The following DYNC1I1 variants were observed in gnomAD, a reference collection of about 807,000 sequenced individuals.
DYNC1I1 encodes the protein dynein cytoplasmic 1 intermediate chain 1.
In DYNC1I1, 43 loss-of-function variants were observed where a neutral mutation model predicts 86.6. The ratio of observed to expected loss-of-function variants is 0.50; its 90% confidence interval spans 0.39 to 0.64. DYNC1I1 has a LOEUF of 0.64. Among genes scored for constraint, DYNC1I1 ranks in the 30% least tolerant of loss-of-function variants. DYNC1I1 has a pLI of 0.00. For missense variants in DYNC1I1, 604 were observed against 788.8 expected, an observed-to-expected ratio of 0.77 and a Z score of 2.81; for synonymous variants, 262 against 283.7, an observed-to-expected ratio of 0.92 and a Z score of 0.77.
intron 5 of DYNC1I1, among the ~76,000 whole-genome samples, chr7:95,831,279 A>G (rs1788893567): frequency 6.6e-6 from 1 of 152,138 alleles, no homozygotes; most frequent in South Asian, 2.1e-4. Context: ...TTGTTAACAT[A>G]ATGTTGATTT....
intron 1 of DYNC1I1, among the ~76,000 whole-genome samples, chr7:95,793,185 G>A (rs994692996): frequency 2.6e-5 from 4 of 152,170 alleles, no homozygotes; most frequent in African/African-American, 9.7e-5. Flanking sequence ...CAATGATGAA[G>A]ACTGGCCTCA....
rs185888178 is a variant in DYNC1I1 at position 96,021,992 on chromosome 7, A to G, written c.970-6183A>G. Among the ~76,000 whole-genome samples, 3 of 152,260 alleles carry G rather than the reference A, an allele frequency of 2.0e-5. No homozygotes were observed. In the East Asian group the frequency reaches 5.8e-4, roughly 29 times the overall value. ...TAGTGCACAAGTTTTTTGTGTAGACATATTTTTTCAATTATCTTGGGTATA... is the reference window on the plus strand; with the variant it reads ...TAGTGCACAAGTTTTTTGTGTAGACGTATTTTTTCAATTATCTTGGGTATA... On this transcript the variant is annotated intron_variant, in intron 10 of 16. Coordinates refer to ENST00000447467, the MANE Select transcript of DYNC1I1 (RefSeq NM_001135556.2).
chr7:95,852,687 A>C (rs1789611534), intron 5 of DYNC1I1, among the ~76,000 whole-genome samples: 1 of 152,016 alleles, frequency 6.6e-6, no homozygotes, highest in South Asian at 2.1e-4. Context: ...TTGTGTTATT[A>C]GTAGAGATGG....
chr7:96,089,640 C>T (rs371400161), intron 16 of DYNC1I1, among the ~76,000 whole-genome samples: 19 of 152,186 alleles, frequency 1.2e-4, no homozygotes, highest in East Asian at 5.8e-4. Flanking sequence ...AAAGCATAAC[C>T]GTTGATTCAA....
intron 6 of DYNC1I1, among the ~76,000 whole-genome samples, chr7:95,934,760 A>T: frequency 6.6e-6 from 1 of 152,066 alleles, no homozygotes; most frequent in Non-Finnish European, 1.5e-5. Context: ...CTTGAATTTT[A>T]AAATTGCTAT....
chr7:95,824,854 C>T (rs758086988), intron 4 of DYNC1I1, among the ~76,000 whole-genome samples: 2 of 152,178 alleles, frequency 1.3e-5, no homozygotes, highest in Non-Finnish European at 2.9e-5. Context: ...AGAAGGAATT[C>T]GGCGAATGTT....
At chr7:96,074,282 G>A (rs1790257075) in intron 14 of DYNC1I1, among the ~76,000 whole-genome samples, 1 of 152,126 alleles carries the variant, frequency 6.6e-6, no homozygotes, top group Non-Finnish European at 1.5e-5. Flanking sequence ...GGGCGCGGTG[G>A]CTCACGCCTG....
chr7:96,049,685 T>C (rs1414583477), intron 14 of DYNC1I1, among the ~76,000 whole-genome samples: 1 of 152,072 alleles, frequency 6.6e-6, no homozygotes, highest in Middle Eastern at 3.4e-3. Context: ...CACTATGAAA[T>C]AGAATGAAAT....
At chr7:95,897,073 A>G (rs1013247366) in intron 6 of DYNC1I1, among the ~76,000 whole-genome samples, 1 of 152,244 alleles carries the variant, frequency 6.6e-6, no homozygotes, top group Admixed American at 6.5e-5. Context: ...AAGGAGGGAT[A>G]TGCCAGGGCC....
chr7:96,059,341 C>A (rs1233145916), intron 14 of DYNC1I1, among the ~76,000 whole-genome samples: 1 of 151,760 alleles, frequency 6.6e-6, no homozygotes, highest in Non-Finnish European at 1.5e-5. Context: ...AACCATGGCA[C>A]CAAATAGGCA....
chr7:95,818,091 C>T (rs1427888133), intron 4 of DYNC1I1, among the ~76,000 whole-genome samples: 1 of 152,098 alleles, frequency 6.6e-6, no homozygotes, highest in Non-Finnish European at 1.5e-5. Context: ...TATCCTGTCA[C>T]AATAATAACA....
intron 4 of DYNC1I1, among the ~76,000 whole-genome samples, chr7:95,816,916 G>A (rs1355750165): frequency 3.9e-5 from 6 of 152,056 alleles, no homozygotes; most frequent in Non-Finnish European, 7.4e-5. Flanking sequence ...TCTCAATATG[G>A]TAAAGAATAT....
intron 10 of DYNC1I1, among the ~76,000 whole-genome samples, chr7:96,025,199 T>C (rs540623920): frequency 1.5e-4 from 23 of 152,278 alleles, no homozygotes; most frequent in African/African-American, 5.5e-4. Flanking sequence ...ATCTAAGCAA[T>C]TGAAATCTTA....
intron 14 of DYNC1I1, among the ~76,000 whole-genome samples, chr7:96,051,391 A>G (rs956759802): frequency 2.0e-5 from 3 of 152,162 alleles, no homozygotes; most frequent in Admixed American, 6.5e-5. Context: ...CAATTCCATT[A>G]TGTCGACTGA....
chr7:95,991,028 T>TTAAAATAAAATAAAATAAAATAAAA (rs71292964), intron 9 of DYNC1I1, among the ~76,000 whole-genome samples: 1 of 148,538 alleles, frequency 6.7e-6, no homozygotes, highest in Non-Finnish European at 1.5e-5. Context: ...GACCCTGTCT[T>TTAAAATAAAATAAAATAAAATAAAA]TAAAATAAAA....
At chr7:95,931,012 T>C (rs1169504810) in intron 6 of DYNC1I1, among the ~76,000 whole-genome samples, 2 of 152,222 alleles carry the variant, frequency 1.3e-5, no homozygotes, top group Non-Finnish European at 2.9e-5. Context: ...GTGATGCTTA[T>C]TGGGAAGATC....
intron 2 of DYNC1I1, 80 bp from the exon 3 acceptor site, chr7:95,810,312 A>C (rs747061385): frequency 3.4e-6 from 4 of 1,166,616 alleles, no homozygotes; most frequent in Non-Finnish European, 4.9e-6. Context: ...ACTGCCATGC[A>C]TTTATCATTT....
chr7:95,955,521 C>T (rs373717531), intron 6 of DYNC1I1, among the ~76,000 whole-genome samples: 64 of 152,078 alleles, frequency 4.2e-4, no homozygotes, highest in African/African-American at 1.4e-3. Flanking sequence ...GACAGGGTCT[C>T]GCTGTGTTGC....
intron 11 of DYNC1I1, among the ~76,000 whole-genome samples, chr7:96,030,430 T>C (rs893875872): frequency 6.6e-6 from 1 of 151,724 alleles, no homozygotes; most frequent in Non-Finnish European, 1.5e-5. Context: ...CTCTTTTTTC[T>C]CTTAAACTGA....
Sources: gnomAD v4.1 joint callset for allele counts (sites outside exome capture counted in the v4.1 genomes callset) on GRCh38, gnomAD v4.1.1 for gene constraint, MANE v1.5 for transcripts, NCBI Gene and HGNC (gene_info 2026-07-23, HGNC 2026-07-21) for gene names.